ZNF236: variants seen among roughly 807,000 people sequenced by gnomAD.
ZNF236 encodes the protein regulated by glucose.
In ZNF236, 50 loss-of-function variants were observed where a neutral mutation model predicts 191.2. The ratio of observed to expected loss-of-function variants is 0.26; its 90% confidence interval spans 0.21 to 0.33. ZNF236 has a LOEUF of 0.33. Ranked by LOEUF, ZNF236 falls within the 10% of genes least tolerant of loss-of-function variation. The pLI, the probability that ZNF236 is intolerant of heterozygous loss-of-function variation, is 1.00. For missense variants in ZNF236, 1,754 were observed against 2,374.5 expected, an observed-to-expected ratio of 0.74 and a Z score of 5.43; for synonymous variants, 907 against 928.8, an observed-to-expected ratio of 0.98 and a Z score of 0.43.
At chr18:76,838,020 A>G (rs1975385475) in intron 1 of ZNF236, among the ~76,000 whole-genome samples, 1 of 152,230 alleles carries the variant, frequency 6.6e-6, no homozygotes, top group African/African-American at 2.4e-5. Flanking sequence ...GGTACATGTC[A>G]TATTTAGAAG....
At chr18:76,900,866 T>G (rs1340185945) in intron 11 of ZNF236, among the ~76,000 whole-genome samples, 3 of 152,142 alleles carry the variant, frequency 2.0e-5, no homozygotes, top group Non-Finnish European at 4.4e-5. Flanking sequence ...TTCCACAGAT[T>G]GGGGGTCGGG....
chr18:76,926,647 A>G (rs1467454389), intron 22 of ZNF236, among the ~76,000 whole-genome samples: 1 of 151,206 alleles, frequency 6.6e-6, no homozygotes, highest in Non-Finnish European at 1.5e-5. Flanking sequence ...TATATATGGT[A>G]TAAAGGGTGA....
intron 30 of ZNF236, among the ~76,000 whole-genome samples, chr18:76,966,971 A>G (rs1337229475): frequency 6.6e-6 from 1 of 152,180 alleles, no homozygotes; most frequent in African/African-American, 2.4e-5. Context: ...TCGAGGTGGT[A>G]TGCTCTGTGA....
chr18:76,938,025 T>C (rs1968044716), intron 26 of ZNF236, among the ~76,000 whole-genome samples: 1 of 152,176 alleles, frequency 6.6e-6, no homozygotes, highest in African/African-American at 2.4e-5. Flanking sequence ...AAGTCTATTC[T>C]TAGTTGATGT....
intron 1 of ZNF236, among the ~76,000 whole-genome samples, chr18:76,835,795 A>G (rs1245264180): frequency 6.6e-6 from 1 of 152,154 alleles, no homozygotes; most frequent in Non-Finnish European, 1.5e-5. Context: ...TTTGAGACAT[A>G]GTTTTCTACT....
Position 76,905,158 on chromosome 18 carries a change from C to T in ZNF236, c.2040C>T (p.Ser680=), listed in dbSNP as rs780089914. The T allele has an allele frequency of 8.1e-6, 13 of 1,607,816 alleles. No individual in the cohort carries two copies. The highest frequency in any genetic ancestry group is 2.2e-5 in the South Asian group (2 of 89,876). The change falls in exon 13 of 31, where the codon TCC becomes TCT. Residue 680 remains serine, a synonymous_variant. Transcript: ENST00000320610. ...AAAATGTGTATTTTTTTTTAAGATC[C>T]CATACAGGTGAAAAACCTTTTAAAT... is the stretch of plus-strand genomic sequence containing the variant. ...KSCHLKQHIR[S]HTGEKPFKCS... is the part of the protein sequence containing the mutation.
At chr18:76,846,902 C>T (rs1004610171) in intron 1 of ZNF236, among the ~76,000 whole-genome samples, 14 of 151,814 alleles carry the variant, frequency 9.2e-5, no homozygotes, top group African/African-American at 3.4e-4. Flanking sequence ...TCAAGCGATT[C>T]TCCTGCCTCA....
chr18:76,824,747 T>C (rs2122354154), intron 1 of ZNF236, among the ~76,000 whole-genome samples: 1 of 152,326 alleles, frequency 6.6e-6, no homozygotes. Flanking sequence ...CTATTTCTTT[T>C]ATCCCCCAAC....
In ZNF236 at chr18:76,968,756, G is replaced by A. The variant is rs979353262; in HGVS notation, c.*417G>A. ...GGTTATAAGAAGCATAGCTTACAAA[G>A]CAAGCGTAAGATTGAGGCATGAAGT... On this transcript the variant is annotated 3_prime_UTR_variant, in exon 31 of 31. Coordinates refer to ENST00000320610, the MANE Select transcript of ZNF236 (RefSeq NM_001306089.2). 2 of 994,920 alleles carry A rather than the reference G, an allele frequency of 2.0e-6. No homozygotes were observed. The highest frequency in any genetic ancestry group is 1.1e-4 in the East Asian group (1 of 8,884). 61.6% of individuals were successfully genotyped at this position (994,920 alleles called of 1,614,324 possible).
chr18:76,896,225 A>C, intron 10 of ZNF236, among the ~76,000 whole-genome samples: 1 of 149,504 alleles, frequency 6.7e-6, no homozygotes, highest in Middle Eastern at 3.2e-3. Context: ...TTCAGTATCA[A>C]ACACAGTACC....
intron 20 of ZNF236, 82 bp downstream of exon 20, chr18:76,920,140 A>G: frequency 6.8e-7 from 1 of 1,477,748 alleles, no homozygotes; most frequent in South Asian, 1.3e-5. Flanking sequence ...TTTTCACTGC[A>G]GCAGGGCCAT....
Position 76,947,667 on chromosome 18 carries a change from T to G in ZNF236, c.4914+15T>G. The G allele has an allele frequency of 6.2e-7, 1 of 1,611,408 alleles. No individual in the cohort carries two copies. The highest frequency in any genetic ancestry group is 8.5e-7 in the Non-Finnish European group (1 of 1,178,546). On this transcript the variant is annotated intron_variant, in intron 27 of 30. Transcript: ENST00000320610. ...TAGCCTACCAGGTACAGGATATTCC[T>G]TCATTCACAGAGCTTTTGTCGCTTT...
rs1289339570 is a variant in ZNF236, at chr18:76,956,148, G to A, written c.5078G>A (p.Cys1693Tyr). The change falls in exon 28 of 31, where the codon TGC becomes TAC. Residue 1693 changes from cysteine to tyrosine, a missense_variant. This residue lies in a region of ZNF236 where 606 missense variants were observed against 761.5 expected (regional missense o/e 0.80). Coordinates refer to ENST00000320610, the MANE Select transcript of ZNF236 (RefSeq NM_001306089.2). ...GAGCGCATCCACGGCTGCCCCGTGT[G>A]CAGGAAGGCCTTCAAGCGCGCCACG... ...GRERIHGCPV[C>Y]RKAFKRATHL... The A allele has an allele frequency of 1.9e-6, 3 of 1,562,458 alleles. No individual in the cohort carries two copies. The highest frequency in any genetic ancestry group is 2.6e-6 in the Non-Finnish European group (3 of 1,154,848).
In ZNF236 at chr18:76,910,824, A is replaced by G; in HGVS notation, c.2805+13A>G. 2 of 1,613,738 alleles carry G rather than the reference A, an allele frequency of 1.2e-6. No individual in the cohort carries two copies. Among genetic ancestry groups the G allele is most frequent in the East Asian group, 2.2e-5 (1 of 44,880 alleles). ...TGGGATGAATGTAGTGAGTATGGAC[A>G]GAGGGGTGCATACATGGCAGTATTT... On this transcript the variant is annotated intron_variant, in intron 16 of 30. Coordinates refer to ENST00000320610, the MANE Select transcript of ZNF236 (RefSeq NM_001306089.2).
At chr18:76,827,822 T>C (rs139864849) in intron 1 of ZNF236, among the ~76,000 whole-genome samples, 122 of 152,304 alleles carry the variant, frequency 8.0e-4, no homozygotes, top group African/African-American at 2.7e-3. Context: ...TGAGATATGC[T>C]TTTTTTCTTT....
intron 10 of ZNF236, among the ~76,000 whole-genome samples, chr18:76,897,152 A>G (rs1048979602): frequency 9.9e-5 from 15 of 151,532 alleles, no homozygotes; most frequent in Non-Finnish European, 1.8e-4. Context: ...AGTACCAAAC[A>G]TAGTACTGCA....
chr18:76,942,912 A>G (rs1432596836), intron 26 of ZNF236, among the ~76,000 whole-genome samples: 1 of 149,200 alleles, frequency 6.7e-6, no homozygotes, highest in African/African-American at 2.4e-5. Flanking sequence ...TCACGAGGTC[A>G]GGAGATCCAG....
chr18:76,840,191 TC>T (rs1457101353), intron 1 of ZNF236, among the ~76,000 whole-genome samples: 1 of 152,220 alleles, frequency 6.6e-6, no homozygotes, highest in East Asian at 1.9e-4. Context: ...GGTCGATGTT[TC>T]TTTAAAAAAT....
At chr18:76,837,530 T>C (rs1216961178) in intron 1 of ZNF236, among the ~76,000 whole-genome samples, 2 of 148,006 alleles carry the variant, frequency 1.4e-5, no homozygotes, top group African/African-American at 5.0e-5. Context: ...AACCTCTGCC[T>C]GCCAGGTTCA....
Sources: gnomAD v4.1 joint callset for allele counts (sites outside exome capture counted in the v4.1 genomes callset) on GRCh38, gnomAD v4.1.1 for gene constraint, gnomAD v4.1.1 regional missense constraint, MANE v1.5 for transcripts, NCBI Gene and HGNC (gene_info 2026-07-23, HGNC 2026-07-21) for gene names.